HOOK1: variants seen among roughly 807,000 people sequenced by gnomAD.
HOOK1 encodes the protein protein Hook homolog 1.
In HOOK1, 60 loss-of-function variants were observed where a neutral mutation model predicts 112.8. That is an observed-to-expected ratio of 0.53 (90% CI 0.43 to 0.66). The LOEUF (loss-of-function observed/expected upper bound fraction) is 0.66, where lower values mean the gene tolerates loss of function less well. HOOK1 is among the 30% of genes least tolerant of loss of function. The probability of loss-of-function intolerance (pLI) is 0.00; values close to 1 mark genes in which losing one functional copy is unlikely to be tolerated. For synonymous variants in HOOK1, 294 were observed against 283.8 expected (o/e 1.04, Z -0.36); for missense variants, 770 against 856.0 (o/e 0.90, Z 1.25).
intron 1 of HOOK1, among the ~76,000 whole-genome samples, chr1:59,819,369 C>T (rs1478385099): frequency 6.6e-6 from 1 of 151,852 alleles, no homozygotes; most frequent in Non-Finnish European, 1.5e-5. Flanking sequence ...AGGCTGGTCT[C>T]GAACTCCTCA....
chr1:59,821,922 T>C lies in HOOK1; in HGVS notation c.128T>C (p.Met43Thr). ...DVKQLTSGVAMAQVLHQIDAA... is the reference protein window; with the variant it reads ...DVKQLTSGVATAQVLHQIDAA... ...AAACAGCTGACTAGTGGAGTTGCCA[T>C]GGCACAAGTTCTTCATCAAATGTGA... Residue 43 changes from methionine (M) to threonine (T), a missense_variant, in exon 2 of 22, where the codon ATG (methionine) becomes ACG (threonine). This residue lies in a region of HOOK1 where 655 missense variants were observed against 725.9 expected (regional missense o/e 0.90). Transcript: ENST00000371208. 1 of 1,612,364 alleles carries C rather than the reference T, an allele frequency of 6.2e-7. No homozygotes were observed. The highest frequency in any genetic ancestry group is 8.5e-7 in the Non-Finnish European group (1 of 1,179,222).
At chr1:59,854,385 G>A in intron 12 of HOOK1, among the ~76,000 whole-genome samples, 1 of 151,768 alleles carries the variant, frequency 6.6e-6, no homozygotes, top group South Asian at 2.1e-4. Flanking sequence ...TACCTCTGTT[G>A]GTGGTGTTTC....
At chr1:59,816,653 A>G (rs967908605) in intron 1 of HOOK1, among the ~76,000 whole-genome samples, 15 of 152,174 alleles carry the variant, frequency 9.9e-5, no homozygotes, top group African/African-American at 3.6e-4. Context: ...ATTGACTTCC[A>G]ATGTTGAGCT....
At chr1:59,846,766 G>T (rs1420527901) in intron 9 of HOOK1, among the ~76,000 whole-genome samples, 1 of 151,136 alleles carries the variant, frequency 6.6e-6, no homozygotes, top group Non-Finnish European at 1.5e-5. Context: ...TTCTTGACTT[G>T]TGGGTTATTT....
intron 19 of HOOK1, among the ~76,000 whole-genome samples, chr1:59,867,007 A>G (rs1643978694): frequency 6.6e-6 from 1 of 152,202 alleles, no homozygotes; most frequent in Non-Finnish European, 1.5e-5. Flanking sequence ...ATGACATTTT[A>G]AGAGGACTAT....
chr1:59,824,598 A>C (rs189580254), intron 2 of HOOK1, among the ~76,000 whole-genome samples: 1 of 151,996 alleles, frequency 6.6e-6, no homozygotes, highest in East Asian at 1.9e-4. Flanking sequence ...TAGAAGAGAA[A>C]TTCTGCTTTT....
Position 59,856,807 on chromosome 1 carries a change from G to A in HOOK1, c.1243-1621G>A, listed in dbSNP as rs145628612. 2.5e-3 allele frequency among the ~76,000 whole-genome samples: 382 copies of A among 152,204 alleles called. 2 individuals carry two copies. Among genetic ancestry groups the A allele is most frequent in the Non-Finnish European group, 4.1e-3 (280 of 68,016 alleles). ...GTTATAAAACACCTTCAGTGCTTAG[G>A]CAGTTTGAAATTCTGCCTTTGCCTT... On this transcript the variant is annotated intron_variant, in intron 12 of 21. Transcript: ENST00000371208.
chr1:59,859,034 A>G lies in HOOK1; in HGVS notation c.1380A>G (p.Pro460=), dbSNP rs761141626. ...AGAATCTTGCTGCTGAGATTATGCC[A>G]GTGGAATATAGGTAAATTTGTTTCA... ...SYENLAAEIM[P]VEYREVFIRL... is the part of the protein sequence containing the mutation. Residue 460 remains proline (P), a synonymous_variant, in exon 14 of 22, where the codon CCA becomes CCG. Transcript: ENST00000371208. 42 of 1,529,500 alleles carry G rather than the reference A, an allele frequency of 2.7e-5. No homozygotes were observed. The Middle Eastern group carries it at 5.3e-4, about 19-fold the overall frequency. 94.7% of individuals were successfully genotyped at this position (1,529,500 alleles called of 1,614,324 possible).
At position 59,844,649 on chromosome 1, in the gene HOOK1, AT is replaced by A. The variant is rs537030593; in HGVS notation, c.788+1054del. Among the ~76,000 whole-genome samples, 216 of 152,046 alleles carry A rather than the reference AT, an allele frequency of 1.4e-3. 1 individual carries two copies. Among genetic ancestry groups the A allele is most frequent in the African/African-American group, 5.0e-3 (207 of 41,526 alleles). On this transcript the variant is annotated intron_variant, in intron 9 of 21. Coordinates refer to ENST00000371208, the MANE Select transcript of HOOK1 (RefSeq NM_015888.6). ...TACTAAAAACCTTTTCAGGATTATG[AT>A]TTGGATTGTATAATTGATATCTTAA... is the stretch of plus-strand genomic sequence containing the variant.
intron 16 of HOOK1, among the ~76,000 whole-genome samples, chr1:59,863,500 G>C (rs903649984): frequency 2.6e-5 from 4 of 152,114 alleles, no homozygotes; most frequent in African/African-American, 9.7e-5. Context: ...GGATTTAAAA[G>C]AGATCAAACT....
At chr1:59,825,291 A>G (rs936201535) in intron 2 of HOOK1, among the ~76,000 whole-genome samples, 1 of 152,236 alleles carries the variant, frequency 6.6e-6, no homozygotes, top group South Asian at 2.1e-4. Context: ...AGTGCGTGCC[A>G]TATCTTCAAA....
At position 59,873,527 on chromosome 1, in the gene HOOK1, T is replaced by G. The variant is rs779599285; in HGVS notation, c.*562T>G. On this transcript the variant is annotated 3_prime_UTR_variant, in exon 22 of 22. Coordinates refer to ENST00000371208, the MANE Select transcript of HOOK1 (RefSeq NM_015888.6). Reference sequence around the variant, plus strand: ...TTGTCATGTCATGGAAGATACAACATTTGGAAGATCTGACAATTGGAATGA... The same window carrying G: ...TTGTCATGTCATGGAAGATACAACAGTTGGAAGATCTGACAATTGGAATGA... The G allele has an allele frequency of 6.6e-6, 1 of 151,668 alleles. No individual in the cohort carries two copies. 9.4% of individuals were successfully genotyped at this position (151,668 alleles called of 1,614,324 possible).
At chr1:59,855,828 A>G (rs1358933074) in intron 12 of HOOK1, among the ~76,000 whole-genome samples, 1 of 149,424 alleles carries the variant, frequency 6.7e-6, no homozygotes, top group Non-Finnish European at 1.5e-5. Context: ...GCTGGAGTGC[A>G]GTGGCGCAGT....
chr1:59,846,557 TCC>T (rs1181995480), intron 9 of HOOK1, among the ~76,000 whole-genome samples: 34 of 54,930 alleles, frequency 6.2e-4, no homozygotes, highest in African/African-American at 2.6e-3. Context: ...CTTCCTTCCT[TCC>T]TTCCTTCCTT....
rs1644113442 is a variant in HOOK1, at chr1:59,875,136, G to T, written c.*2171G>T. ...CCCTTTGGTGTTTCTACTTGCTTAT[G>T]ATTGAGATTTTACAAGCCCTTCAAA... is the stretch of plus-strand genomic sequence containing the variant. On this transcript the variant is annotated 3_prime_UTR_variant, in exon 22 of 22. Transcript: ENST00000371208. 1 of 152,506 alleles carries T rather than the reference G, an allele frequency of 6.6e-6. No individual in the cohort carries two copies. Among genetic ancestry groups the T allele is most frequent in the Non-Finnish European group, 1.5e-5 (1 of 67,968 alleles). 9.4% of individuals were successfully genotyped at this position (152,506 alleles called of 1,614,324 possible).
rs1644122926 is a variant in HOOK1, at chr1:59,876,118, A to G, written c.*3153A>G. On this transcript the variant is annotated 3_prime_UTR_variant, in exon 22 of 22. Coordinates refer to ENST00000371208, the MANE Select transcript of HOOK1 (RefSeq NM_015888.6). Reference sequence around the variant, plus strand: ...ATTGTGCACCTGTACATTGTGAAGAAGTAGTTTGGAAATTTGTAAAGCACA... The same window carrying G: ...ATTGTGCACCTGTACATTGTGAAGAGGTAGTTTGGAAATTTGTAAAGCACA... 1 of 152,666 alleles carries G rather than the reference A, an allele frequency of 6.6e-6. No individual in the cohort carries two copies. The highest frequency in any genetic ancestry group is 2.4e-5 in the African/African-American group (1 of 41,462). The allele number at this position is 152,666 out of a possible 1,614,324, so 9.5% of individuals were successfully genotyped here.
intron 21 of HOOK1, among the ~76,000 whole-genome samples, chr1:59,872,018 C>T (rs1198292733): frequency 6.6e-6 from 1 of 152,170 alleles, no homozygotes; most frequent in African/African-American, 2.4e-5. Context: ...ATTTGTTCTT[C>T]CATGACCTCT....
At chr1:59,867,156 T>C (rs1643980225) in intron 19 of HOOK1, among the ~76,000 whole-genome samples, 1 of 152,236 alleles carries the variant, frequency 6.6e-6, no homozygotes, top group African/African-American at 2.4e-5. Flanking sequence ...GTTTAAATAA[T>C]GGTTAAGATA....
Position 59,848,321 on chromosome 1 carries a change from C to T in HOOK1, c.936C>T (p.Thr312=). ...LKDEIDVLRA[T]SDKANKLEST... is the part of the protein sequence containing the mutation. Reference sequence around the variant, plus strand: ...TTAGTCTTTATGATTATAGGGCTACCTCTGATAAAGCAAATAAACTGGAGT... The same window carrying T: ...TTAGTCTTTATGATTATAGGGCTACTTCTGATAAAGCAAATAAACTGGAGT... Residue 312 remains threonine (T), a synonymous_variant, in exon 11 of 22, where the codon ACC becomes ACT. Coordinates refer to ENST00000371208, the MANE Select transcript of HOOK1 (RefSeq NM_015888.6). 1.9e-6 allele frequency: 3 copies of T among 1,609,118 alleles called. No individual in the cohort carries two copies. The highest frequency in any genetic ancestry group is 2.5e-6 in the Non-Finnish European group (3 of 1,176,480).
Sources: gnomAD v4.1 joint callset for allele counts (sites outside exome capture counted in the v4.1 genomes callset) on GRCh38, gnomAD v4.1.1 for gene constraint, gnomAD v4.1.1 regional missense constraint, MANE v1.5 for transcripts, NCBI Gene and HGNC (gene_info 2026-07-23, HGNC 2026-07-21) for gene names.